Variants in ADGRB3 observed in about 807,000 individuals in gnomAD.
ADGRB3 encodes the protein brain-specific angiogenesis inhibitor 3.
A neutral mutation model predicts 193.4 loss-of-function variants in ADGRB3; 37 were observed. The observed-to-expected ratio is 0.19, with a 90% CI of 0.15 to 0.25. The LOEUF (loss-of-function observed/expected upper bound fraction) is 0.25, where lower values mean the gene tolerates loss of function less well. Among genes scored for constraint, ADGRB3 ranks in the 10% least tolerant of loss-of-function variants. The pLI, the probability that ADGRB3 is intolerant of heterozygous loss-of-function variation, is 1.00. For missense variants in ADGRB3, 1,637 were observed against 1,852.9 expected, an observed-to-expected ratio of 0.88 and a Z score of 2.14; for synonymous variants, 690 against 644.2, an observed-to-expected ratio of 1.07 and a Z score of -1.08.
intron 3 of ADGRB3, among the ~76,000 whole-genome samples, chr6:68,913,411 C>T (rs572773628): frequency 5.3e-5 from 8 of 151,898 alleles, no homozygotes; most frequent in Admixed American, 2.0e-4. Context: ...CTGCAGCCAC[C>T]GCTGCTGATA....
chr6:68,696,195 C>A (rs1236786301), intron 3 of ADGRB3, among the ~76,000 whole-genome samples: 3 of 151,908 alleles, frequency 2.0e-5, no homozygotes, highest in African/African-American at 7.3e-5. Flanking sequence ...TGGAATTTCT[C>A]ATTTTCTCTT....
intron 3 of ADGRB3, among the ~76,000 whole-genome samples, chr6:68,821,106 C>T (rs1416220232): frequency 1.3e-5 from 2 of 151,860 alleles, no homozygotes; most frequent in African/African-American, 4.8e-5. Context: ...GGATTTTTGC[C>T]AGTTTGTTTT....
intron 17 of ADGRB3, among the ~76,000 whole-genome samples, chr6:69,195,158 T>A (rs1561948782): frequency 6.6e-6 from 1 of 152,114 alleles, no homozygotes; most frequent in Non-Finnish European, 1.5e-5. Context: ...CAGATTTGAA[T>A]TCTTCCAATA....
At chr6:68,870,359 G>C (rs1374923519) in intron 3 of ADGRB3, among the ~76,000 whole-genome samples, 1 of 152,146 alleles carries the variant, frequency 6.6e-6, no homozygotes, top group Non-Finnish European at 1.5e-5. Flanking sequence ...TAATCATTTG[G>C]AAATTTTACA....
intron 17 of ADGRB3, among the ~76,000 whole-genome samples, chr6:69,194,309 C>T (rs3799050): frequency 0.091 from 13,825 of 152,080 alleles, 687 homozygotes; most frequent in Middle Eastern, 0.24. Flanking sequence ...CTTCTTTTCC[C>T]CACAGGGACT....
intron 3 of ADGRB3, among the ~76,000 whole-genome samples, chr6:68,795,645 G>T (rs1039904050): frequency 3.3e-5 from 5 of 152,012 alleles, no homozygotes; most frequent in Admixed American, 2.0e-4. Context: ...AATATTTATG[G>T]GGACTCTAAA....
intron 17 of ADGRB3, among the ~76,000 whole-genome samples, chr6:69,121,549 C>T (rs576593913): frequency 3.4e-4 from 51 of 152,214 alleles, no homozygotes; most frequent in Admixed American, 7.8e-4. Flanking sequence ...ACTTCCCAGA[C>T]GGGGCAGCCT....
At chr6:68,973,997 A>G (rs975437982) in intron 8 of ADGRB3, among the ~76,000 whole-genome samples, 1 of 152,340 alleles carries the variant, frequency 6.6e-6, no homozygotes, top group Non-Finnish European at 1.5e-5. Flanking sequence ...TATGACAAAA[A>G]GATCAAATTG....
At chr6:68,751,409 C>T (rs931499186) in intron 3 of ADGRB3, among the ~76,000 whole-genome samples, 1 of 152,064 alleles carries the variant, frequency 6.6e-6, no homozygotes, top group Non-Finnish European at 1.5e-5. Context: ...AAACAAGTTT[C>T]CATCTTATCT....
chr6:69,385,899 C>A (rs1770059969), intron 31 of ADGRB3, among the ~76,000 whole-genome samples: 2 of 151,976 alleles, frequency 1.3e-5, no homozygotes, highest in Non-Finnish European at 2.9e-5. Context: ...CGATGAGTCG[C>A]TCCTGGGTAC....
chr6:69,243,069 T>C (rs777845370), intron 20 of ADGRB3, among the ~76,000 whole-genome samples: 1 of 151,930 alleles, frequency 6.6e-6, no homozygotes, highest in African/African-American at 2.4e-5. Context: ...ATTTATCATA[T>C]TGAAGATTTC....
chr6:69,333,217 G>T (rs1768764955), intron 24 of ADGRB3, among the ~76,000 whole-genome samples: 1 of 152,158 alleles, frequency 6.6e-6, no homozygotes, highest in African/African-American at 2.4e-5. Flanking sequence ...AGACCATGAA[G>T]AAATTCGGAG....
At chr6:69,263,039 A>G (rs1261885574) in intron 20 of ADGRB3, among the ~76,000 whole-genome samples, 2 of 152,006 alleles carry the variant, frequency 1.3e-5, no homozygotes, top group Non-Finnish European at 2.9e-5. Flanking sequence ...CTGACTCTTT[A>G]TTGAAAAGTA....
At chr6:69,310,764 C>T (rs1274147220) in intron 20 of ADGRB3, among the ~76,000 whole-genome samples, 2 of 151,482 alleles carry the variant, frequency 1.3e-5, no homozygotes, top group African/African-American at 2.4e-5. Flanking sequence ...GTATTTTGAC[C>T]CTGAATTTCT....
intron 3 of ADGRB3, among the ~76,000 whole-genome samples, chr6:68,641,072 A>G (rs1426984130): frequency 6.6e-6 from 1 of 152,240 alleles, no homozygotes; most frequent in Admixed American, 6.5e-5. Context: ...CAGTACACAC[A>G]AAAAATGTGA....
At chr6:69,192,206 A>G (rs975336953) in intron 17 of ADGRB3, among the ~76,000 whole-genome samples, 2 of 152,148 alleles carry the variant, frequency 1.3e-5, no homozygotes, top group South Asian at 4.1e-4. Flanking sequence ...CGAAACCTCA[A>G]AGGTAAGAAA....
At chr6:68,817,303 CCATGTATATATATA>C (rs1488846030) in intron 3 of ADGRB3, among the ~76,000 whole-genome samples, 22 of 32,766 alleles carry the variant, frequency 6.7e-4, no homozygotes, top group Non-Finnish European at 1.2e-3. Flanking sequence ...TCCCTTTTGT[CCATGTATATATATA>C]TATATATATA....
At chr6:69,378,186 T>C (rs1421930771) in intron 30 of ADGRB3, among the ~76,000 whole-genome samples, 2 of 152,056 alleles carry the variant, frequency 1.3e-5, no homozygotes, top group Non-Finnish European at 1.5e-5. Context: ...ATTAAAAATA[T>C]AATTGCAGTA....
chr6:69,238,071 A>G (rs747185604), intron 19 of ADGRB3, among the ~76,000 whole-genome samples: 3 of 152,002 alleles, frequency 2.0e-5, no homozygotes, highest in Non-Finnish European at 4.4e-5. Context: ...TGGGGGTTCT[A>G]CCTTGATTGT....
Sources: allele counts gnomAD v4.1 joint callset (sites outside exome capture counted in the v4.1 genomes callset), GRCh38; gene constraint gnomAD v4.1.1; transcripts MANE v1.5; gene names NCBI Gene and HGNC (gene_info 2026-07-23, HGNC 2026-07-21).